The following NTRK3 variants were observed in gnomAD, a reference collection of about 807,000 sequenced individuals.
NTRK3 encodes neurotrophic receptor tyrosine kinase 3, also known as NT-3 growth factor receptor.
A neutral mutation model predicts 91.7 loss-of-function variants in NTRK3; 24 were observed. That is an observed-to-expected ratio of 0.26 (90% CI 0.19 to 0.37). NTRK3 has a LOEUF of 0.37. Among genes scored for constraint, NTRK3 ranks in the 10% least tolerant of loss-of-function variants. The pLI, the probability that NTRK3 is intolerant of heterozygous loss-of-function variation, is 1.00. For missense variants in NTRK3, 880 were observed against 1,068.9 expected (o/e 0.82, Z 2.46); for synonymous variants, 483 against 404.0 (o/e 1.20, Z -2.34).
intron 17 of NTRK3, among the ~76,000 whole-genome samples, chr15:87,881,451 G>A (rs1405672062): frequency 2.0e-5 from 3 of 149,182 alleles, no homozygotes; most frequent in African/African-American, 7.3e-5. Flanking sequence ...ACGGAGTCTC[G>A]CTTTGTCACC....
chr15:88,220,582 T>C (rs946379305), intron 3 of NTRK3, among the ~76,000 whole-genome samples: 1 of 152,102 alleles, frequency 6.6e-6, no homozygotes, highest in Non-Finnish European at 1.5e-5. Context: ...GGGTCAGAGA[T>C]GAGAAGAGGC....
At chr15:87,890,409 A>G (rs1441531410) in intron 17 of NTRK3, among the ~76,000 whole-genome samples, 2 of 152,172 alleles carry the variant, frequency 1.3e-5, no homozygotes, top group Admixed American at 6.6e-5. Context: ...TTCATCAGCT[A>G]TTTGGCTACA....
At chr15:87,896,645 A>G (rs1018239595) in intron 17 of NTRK3, among the ~76,000 whole-genome samples, 3 of 151,978 alleles carry the variant, frequency 2.0e-5, no homozygotes, top group Admixed American at 6.6e-5. Context: ...GTGTGGGTGC[A>G]TGCCTTAGGG....
At chr15:88,199,120 G>C (rs1258073936) in intron 3 of NTRK3, among the ~76,000 whole-genome samples, 1 of 152,206 alleles carries the variant, frequency 6.6e-6, no homozygotes, top group East Asian at 1.9e-4. Flanking sequence ...GGGGTGGGGA[G>C]AAGGAGGTAT....
At chr15:88,183,451 C>T (rs1316727129) in exon 5 of NTRK3, 2 of 1,614,030 alleles carry the variant, frequency 1.2e-6, no homozygotes, top group African/African-American at 2.7e-5. Flanking sequence ...GGCAAAGGCT[C>T]TGGGCTGAAT....
At chr15:88,138,923 A>G (rs1395182584) in intron 6 of NTRK3, among the ~76,000 whole-genome samples, 1 of 152,262 alleles carries the variant, frequency 6.6e-6, no homozygotes, top group African/African-American at 2.4e-5. Flanking sequence ...AGAGAAAAAG[A>G]GAGAACGAGA....
rs189591168 is a variant in NTRK3, at chr15:88,234,703, C to T, written c.248+21203G>A. On this transcript the variant is annotated intron_variant, in intron 3 of 18. Coordinates refer to ENST00000394480, the Ensembl canonical transcript of NTRK3. The surrounding 1 kb of genome is among the most constrained non-coding windows in gnomAD (Gnocchi z 6.1). The stretch of plus-strand genomic sequence containing the variant: ...GCTTCTTTCTCCAACACATTTATTA[C>T]ACCCATCACTTCAGCTGTAAGTCGA... 6.2e-4 allele frequency among the ~76,000 whole-genome samples: 94 copies of T among 152,348 alleles called. No individual in the cohort carries two copies. The highest frequency in any genetic ancestry group is 1.9e-3 in the African/African-American group (80 of 41,584).
intron 6 of NTRK3, among the ~76,000 whole-genome samples, chr15:88,141,468 C>A: frequency 6.6e-6 from 1 of 152,186 alleles, no homozygotes; most frequent in Non-Finnish European, 1.5e-5. Flanking sequence ...CAAGGAGAGG[C>A]CTGGCCACCC....
chr15:88,150,261 G>A, intron 5 of NTRK3, among the ~76,000 whole-genome samples: 1 of 152,208 alleles, frequency 6.6e-6, no homozygotes, highest in East Asian at 1.9e-4. Flanking sequence ...AGCCTGCCAG[G>A]AGTCCTGGGG....
chr15:87,929,330 G>A (rs2068590974), exon 17 of NTRK3: 1 of 1,614,206 alleles, frequency 6.2e-7, no homozygotes, highest in Non-Finnish European at 8.5e-7. Flanking sequence ...CACCATACCC[G>A]AGGCGATCTG....
At chr15:88,032,525 T>C (rs2078639405) in intron 14 of NTRK3, among the ~76,000 whole-genome samples, 1 of 152,092 alleles carries the variant, frequency 6.6e-6, no homozygotes, top group South Asian at 2.1e-4. Flanking sequence ...CAGGTTATGT[T>C]TCCTAGTTAC....
chr15:87,997,569 TTA>T (rs1457845671), intron 14 of NTRK3, among the ~76,000 whole-genome samples: 1 of 152,202 alleles, frequency 6.6e-6, no homozygotes, highest in Non-Finnish European at 1.5e-5. Context: ...AATATTTTTT[TTA>T]TATGAGTTCT....
chr15:87,902,042 A>G (rs967742077), intron 17 of NTRK3, among the ~76,000 whole-genome samples: 11 of 152,276 alleles, frequency 7.2e-5, no homozygotes, highest in Non-Finnish European at 1.3e-4. Context: ...TGTGATTTAT[A>G]TAAAACACTC....
chr15:88,198,823 G>A (rs1057025239), intron 3 of NTRK3, among the ~76,000 whole-genome samples: 1 of 152,096 alleles, frequency 6.6e-6, no homozygotes, highest in Non-Finnish European at 1.5e-5. Flanking sequence ...GAGGTCCAAT[G>A]CCAAGGGCCC....
chr15:88,158,603 C>G (rs566409645), intron 5 of NTRK3, among the ~76,000 whole-genome samples: 1 of 152,230 alleles, frequency 6.6e-6, no homozygotes, highest in Admixed American at 6.5e-5. Context: ...TTGCACCAGA[C>G]CTTGAGTGTT....
At chr15:87,901,611 A>G (rs1027189854) in intron 17 of NTRK3, among the ~76,000 whole-genome samples, 2 of 152,258 alleles carry the variant, frequency 1.3e-5, no homozygotes, top group African/African-American at 4.8e-5. Flanking sequence ...ATATAGAACA[A>G]CTTATTGCAT....
chr15:88,072,504 T>C (rs1019592949), intron 13 of NTRK3: 3 of 232,164 alleles, frequency 1.3e-5, no homozygotes, highest in Middle Eastern at 1.2e-3. Context: ...GTTGCCCTTT[T>C]CTTCTTTCCG....
chr15:88,183,958 C>A (rs764627945), intron 4 of NTRK3, among the ~76,000 whole-genome samples: 28 of 152,148 alleles, frequency 1.8e-4, no homozygotes, highest in Non-Finnish European at 2.9e-5. Flanking sequence ...GGGTTCTAGG[C>A]CTGCCTTGAA....
At chr15:88,159,560 T>C (rs1308941536) in intron 5 of NTRK3, among the ~76,000 whole-genome samples, 2 of 152,170 alleles carry the variant, frequency 1.3e-5, no homozygotes, top group African/African-American at 2.4e-5. Context: ...AATTTTGTTT[T>C]CCCCATGGGC....
Sources: gnomAD v4.1 joint callset for allele counts (sites outside exome capture counted in the v4.1 genomes callset) on GRCh38, gnomAD v4.1.1 for gene constraint, Gnocchi (gnomAD v3.1) non-coding constraint, MANE v1.5 for transcripts, NCBI Gene and HGNC (gene_info 2026-07-23, HGNC 2026-07-21) for gene names.